Variants in TENM4 observed in about 807,000 individuals in gnomAD.
The protein encoded by TENM4 is teneurin-4.
A neutral mutation model predicts 243.3 loss-of-function variants in TENM4; 82 were observed. The ratio of observed to expected loss-of-function variants is 0.34; its 90% CI spans 0.28 to 0.40. The LOEUF is 0.40. Among genes scored for constraint, TENM4 ranks in the 10% least tolerant of loss-of-function variants. The pLI is 1.00. For synonymous variants in TENM4, 1,412 were observed against 1,456.3 expected, an observed-to-expected ratio of 0.97 and a Z score of 0.69; for missense variants, 3,138 against 3,673.3, an observed-to-expected ratio of 0.85 and a Z score of 3.77.
intron 17 of TENM4, among the ~76,000 whole-genome samples, chr11:78,777,717 C>T (rs980891160): frequency 6.6e-6 from 1 of 152,142 alleles, no homozygotes; most frequent in Non-Finnish European, 1.5e-5. Context: ...CAAACCCAAG[C>T]AGTCTGACTC....
At chr11:79,010,459 G>C (rs923875125) in intron 6 of TENM4, among the ~76,000 whole-genome samples, 1 of 152,024 alleles carries the variant, frequency 6.6e-6, no homozygotes, top group Non-Finnish European at 1.5e-5. Flanking sequence ...TAGGGTATTA[G>C]TCTGTTATCA....
intron 1 of TENM4, among the ~76,000 whole-genome samples, chr11:79,335,132 C>A (rs1857126354): frequency 6.6e-6 from 1 of 152,206 alleles, no homozygotes; most frequent in Non-Finnish European, 1.5e-5. Flanking sequence ...CGAGTGGGAG[C>A]TCCCGGAGGA....
rs78124688 is a variant in TENM4, at chr11:79,066,211, G to C, written c.224-1204C>G. ...TCCACAGAGTGCTCTGGGAGCGCAG[G>C]AGCAGAAGGTGGGATATTGGGGTGA... On this transcript the variant is annotated intron_variant, in intron 5 of 33. Transcript: ENST00000278550. Among the ~76,000 whole-genome samples the C allele has an allele frequency of 2.9e-3, 437 of 152,306 alleles. 1 individual carries two copies. The highest frequency in any genetic ancestry group is 0.01 in the African/African-American group (423 of 41,554).
intron 17 of TENM4, among the ~76,000 whole-genome samples, chr11:78,773,242 C>G (rs982774537): frequency 6.6e-6 from 1 of 152,204 alleles, no homozygotes; most frequent in African/African-American, 2.4e-5. Flanking sequence ...CAAACAGTAT[C>G]TCTTACGTAA....
intron 2 of TENM4, among the ~76,000 whole-genome samples, chr11:79,256,169 G>C (rs1192005918): frequency 6.6e-6 from 1 of 152,186 alleles, no homozygotes; most frequent in East Asian, 1.9e-4. Flanking sequence ...CTGCTGTCCA[G>C]CATCTTCTCC....
At chr11:79,406,421 A>T (rs1399976146) in intron 1 of TENM4, among the ~76,000 whole-genome samples, 1 of 152,172 alleles carries the variant, frequency 6.6e-6, no homozygotes, top group African/African-American at 2.4e-5. Flanking sequence ...CCTCATCCAA[A>T]CTCAGGTCTC....
At chr11:79,320,572 G>C (rs1856871721) in intron 1 of TENM4, among the ~76,000 whole-genome samples, 1 of 152,112 alleles carries the variant, frequency 6.6e-6, no homozygotes, top group Non-Finnish European at 1.5e-5. Flanking sequence ...TGAGAAGCTT[G>C]TCCAATGTTA....
chr11:79,155,186 A>G (rs953494108), intron 3 of TENM4, among the ~76,000 whole-genome samples: 1 of 152,148 alleles, frequency 6.6e-6, no homozygotes, highest in Non-Finnish European at 1.5e-5. Flanking sequence ...GGGACCCAGA[A>G]GAGGGACAGA....
chr11:78,914,945 G>A (rs1387663652), intron 6 of TENM4, among the ~76,000 whole-genome samples: 1 of 152,202 alleles, frequency 6.6e-6, no homozygotes, highest in Admixed American at 6.5e-5. Context: ...CCATCAGATG[G>A]AGTGAACTCC....
At chr11:78,687,591 T>C (rs1858717468) in intron 29 of TENM4, among the ~76,000 whole-genome samples, 1 of 152,204 alleles carries the variant, frequency 6.6e-6, no homozygotes, top group Non-Finnish European at 1.5e-5. Context: ...CAGGATGATT[T>C]GACAAATGCA....
intron 9 of TENM4, among the ~76,000 whole-genome samples, chr11:78,865,636 G>A (rs1041209107): frequency 7.9e-5 from 12 of 152,222 alleles, no homozygotes; most frequent in Admixed American, 4.6e-4. Context: ...AAAAACTACC[G>A]AGGAGACTGG....
chr11:78,814,740 A>T (rs552585730), intron 12 of TENM4, among the ~76,000 whole-genome samples: 5 of 152,310 alleles, frequency 3.3e-5, no homozygotes, highest in Non-Finnish European at 5.9e-5. Context: ...TTACTGGGTG[A>T]TTCTTATAGT....
intron 25 of TENM4, among the ~76,000 whole-genome samples, chr11:78,713,076 C>T (rs1249784715): frequency 1.4e-4 from 21 of 152,140 alleles, no homozygotes; most frequent in Admixed American, 2.6e-4. Context: ...ACTGGTGTCC[C>T]GTTCATTCAA....
intron 2 of TENM4, among the ~76,000 whole-genome samples, chr11:79,229,037 C>T (rs1206366191): frequency 6.6e-6 from 1 of 152,160 alleles, no homozygotes; most frequent in African/African-American, 2.4e-5. Context: ...TTTTGATGGC[C>T]TTGACTGTTA....
At chr11:79,004,941 C>CAAAAAAAAAAAAAAAAA (rs58631195) in intron 6 of TENM4, among the ~76,000 whole-genome samples, 1 of 87,794 alleles carries the variant, frequency 1.1e-5, no homozygotes, top group Non-Finnish European at 2.4e-5. Flanking sequence ...ATAGAAATAC[C>CAAAAAAAAAAAAAAAAA]AAAAAAAAAA....
At chr11:79,311,214 C>T (rs1357579966) in intron 1 of TENM4, among the ~76,000 whole-genome samples, 2 of 152,168 alleles carry the variant, frequency 1.3e-5, no homozygotes, top group Non-Finnish European at 2.9e-5. Flanking sequence ...CACTGAATTC[C>T]CCCGTATCCT....
At chr11:79,045,292 ACAC>A (rs1303620320) in intron 6 of TENM4, among the ~76,000 whole-genome samples, 1 of 152,180 alleles carries the variant, frequency 6.6e-6, no homozygotes, top group Non-Finnish European at 1.5e-5. Context: ...GGCATGTGCA[ACAC>A]TATGAAGGAG....
chr11:79,056,965 C>A (rs2136957105), intron 6 of TENM4, among the ~76,000 whole-genome samples: 1 of 152,320 alleles, frequency 6.6e-6, no homozygotes, highest in Admixed American at 6.5e-5. Flanking sequence ...ATCCTCAATG[C>A]TAACAAGATG....
At chr11:78,745,129 C>A (rs1856017510) in intron 19 of TENM4, among the ~76,000 whole-genome samples, 1 of 151,744 alleles carries the variant, frequency 6.6e-6, no homozygotes, top group Non-Finnish European at 1.5e-5. Context: ...GACACGCATA[C>A]AAACAATTAT....
Sources: gnomAD v4.1 joint callset for allele counts (sites outside exome capture counted in the v4.1 genomes callset) on GRCh38, gnomAD v4.1.1 for gene constraint, MANE v1.5 for transcripts, NCBI Gene and HGNC (gene_info 2026-07-23, HGNC 2026-07-21) for gene names.